Variants in KCNT2 observed in about 807,000 individuals in gnomAD.
KCNT2 encodes potassium sodium-activated channel subfamily T member 2.
KCNT2 carries 67 observed loss-of-function variants against 153.8 expected under a neutral mutation model. The ratio of observed to expected loss-of-function variants is 0.44; its 90% confidence interval spans 0.36 to 0.53. The LOEUF is 0.53. Ranked by LOEUF, KCNT2 falls within the 20% of genes least tolerant of loss-of-function variation. The pLI is 0.00. For synonymous variants in KCNT2, 500 were observed against 458.8 expected, an observed-to-expected ratio of 1.09 and a Z score of -1.15; for missense variants, 975 against 1,354.8, an observed-to-expected ratio of 0.72 and a Z score of 4.40.
chr1:196,561,680 AGAAG>A (rs1659429714), intron 1 of KCNT2, among the ~76,000 whole-genome samples: 1 of 33,364 alleles, frequency 3.0e-5, no homozygotes, highest in Non-Finnish European at 1.2e-3. Context: ...AAAAAAAAGA[AGAAG>A]AAGAAAGAAT....
intron 26 of KCNT2, among the ~76,000 whole-genome samples, chr1:196,238,734 G>C (rs1238492958): frequency 6.6e-6 from 1 of 151,904 alleles, no homozygotes. Flanking sequence ...TAATGTAAAT[G>C]ACGAGTTAAT....
chr1:196,463,516 A>C (rs1381679151), intron 8 of KCNT2, among the ~76,000 whole-genome samples: 1 of 151,778 alleles, frequency 6.6e-6, no homozygotes, highest in Non-Finnish European at 1.5e-5. Flanking sequence ...ATTATTGCAC[A>C]TTAAGGGACA....
intron 25 of KCNT2, among the ~76,000 whole-genome samples, chr1:196,274,186 A>G (rs920242669): frequency 2.6e-5 from 4 of 151,614 alleles, no homozygotes; most frequent in African/African-American, 9.7e-5. Context: ...AATGTATCAT[A>G]GCTAAGTAGG....
At chr1:196,528,638 TA>T (rs34887378) in intron 1 of KCNT2, among the ~76,000 whole-genome samples, 31 of 152,202 alleles carry the variant, frequency 2.0e-4, no homozygotes, top group Non-Finnish European at 2.5e-4. Flanking sequence ...GTGTTGATCG[TA>T]AAAAAACAGA....
intron 8 of KCNT2, among the ~76,000 whole-genome samples, chr1:196,431,825 TA>T (rs1488406129): frequency 6.6e-6 from 1 of 152,024 alleles, no homozygotes; most frequent in East Asian, 1.9e-4. Flanking sequence ...AGATTGTAAA[TA>T]AAAATTGTGC....
rs376148610 is a variant in KCNT2 at position 196,290,258 on chromosome 1, A to C, written c.2596-4500T>G. Among the ~76,000 whole-genome samples, 50 of 152,172 alleles carry C rather than the reference A, an allele frequency of 3.3e-4. 1 individual carries two copies. The South Asian group carries it at 0.01, about 32-fold the overall frequency. ...ATTCATCCTACTTGAACTTTCTTACAGTGTTTGACAAACTACATTCTAATT... is the reference window on the plus strand; with the variant it reads ...ATTCATCCTACTTGAACTTTCTTACCGTGTTTGACAAACTACATTCTAATT... On this transcript the variant is annotated intron_variant, in intron 22 of 27. Coordinates refer to ENST00000294725, the MANE Select transcript of KCNT2 (RefSeq NM_198503.5).
intron 8 of KCNT2, among the ~76,000 whole-genome samples, chr1:196,458,223 A>C (rs540193359): frequency 8.6e-5 from 13 of 151,980 alleles, no homozygotes; most frequent in Admixed American, 3.3e-4. Flanking sequence ...AACAAAAATT[A>C]TATTACGTAA....
chr1:196,562,042 T>C (rs1269563454), intron 1 of KCNT2, among the ~76,000 whole-genome samples: 1 of 151,832 alleles, frequency 6.6e-6, no homozygotes, highest in South Asian at 2.1e-4. Context: ...GAAAATAGAT[T>C]GCAAATGTTT....
intron 1 of KCNT2, among the ~76,000 whole-genome samples, chr1:196,575,662 A>G (rs559780759): frequency 9.3e-5 from 14 of 151,014 alleles, no homozygotes; most frequent in African/African-American, 3.4e-4. Flanking sequence ...AAAATCTAAG[A>G]ATCATTAGCT....
At chr1:196,555,472 C>T (rs1572815976) in intron 1 of KCNT2, among the ~76,000 whole-genome samples, 1 of 150,866 alleles carries the variant, frequency 6.6e-6, no homozygotes, top group Admixed American at 6.6e-5. Context: ...ATAATAAAAA[C>T]TATAAAATAC....
At chr1:196,266,268 A>G (rs1056199301) in intron 25 of KCNT2, among the ~76,000 whole-genome samples, 1 of 152,296 alleles carries the variant, frequency 6.6e-6, no homozygotes, top group Admixed American at 6.5e-5. Context: ...TGAGGATTGA[A>G]CTATAGTTAT....
intron 22 of KCNT2, among the ~76,000 whole-genome samples, chr1:196,286,638 TAC>T (rs201006771): frequency 0.037 from 4,997 of 133,686 alleles, 185 homozygotes; most frequent in African/African-American, 0.11. Context: ...CACACACACA[TAC>T]ACACACACAC....
chr1:196,539,673 T>C (rs950874011), intron 1 of KCNT2, among the ~76,000 whole-genome samples: 2 of 152,076 alleles, frequency 1.3e-5, no homozygotes, highest in Non-Finnish European at 2.9e-5. Context: ...GCAACTCTTA[T>C]CAATCTCATA....
chr1:196,505,006 T>G (rs1181971250), intron 1 of KCNT2, among the ~76,000 whole-genome samples: 1 of 152,214 alleles, frequency 6.6e-6, no homozygotes, highest in African/African-American at 2.4e-5. Flanking sequence ...ATAAGTAGGT[T>G]GTGAAAATTT....
At chr1:196,437,277 T>C (rs1197197953) in intron 8 of KCNT2, among the ~76,000 whole-genome samples, 2 of 78,846 alleles carry the variant, frequency 2.5e-5, no homozygotes, top group East Asian at 8.6e-4. Context: ...TTATTATATA[T>C]ATAAAATATA....
rs753244425 is a variant in KCNT2, at chr1:196,285,737, T to C, written c.2617A>G (p.Asn873Asp). 3.7e-6 allele frequency: 6 copies of C among 1,612,168 alleles called. No individual in the cohort carries two copies. In the South Asian group the frequency reaches 5.5e-5, roughly 15 times the overall value. ...GGCAGTCGAAACATAAAGGCCAAGTTAGAGCCTCTCTCCCGTTCTTTCTGT... is the reference window on the plus strand; with the variant it reads ...GGCAGTCGAAACATAAAGGCCAAGTCAGAGCCTCTCTCCCGTTCTTTCTGT... Reference protein sequence around the residue: ...LEKKERERGSNLAFMFRLPFA... With the variant: ...LEKKERERGSDLAFMFRLPFA... The change falls in exon 23 of 28, where the codon AAC (asparagine) becomes GAC (aspartate). Residue 873 changes from asparagine (N) to aspartate (D), a missense_variant. By Grantham distance (23) the Asn-to-Asp change is conservative (BLOSUM62 1). Transcript: ENST00000294725.
intron 4 of KCNT2, among the ~76,000 whole-genome samples, chr1:196,479,517 G>A (rs924377885): frequency 1.3e-5 from 2 of 152,128 alleles, no homozygotes; most frequent in African/African-American, 4.8e-5. Flanking sequence ...TATTAAAATA[G>A]GCTGGCTGCA....
At chr1:196,394,382 A>G (rs546507136) in intron 13 of KCNT2, among the ~76,000 whole-genome samples, 1 of 151,750 alleles carries the variant, frequency 6.6e-6, no homozygotes, top group East Asian at 1.9e-4. Context: ...GCCGCTGTGG[A>G]TTAGGTAGTA....
intron 13 of KCNT2, among the ~76,000 whole-genome samples, chr1:196,381,396 C>T (rs186544769): frequency 6.6e-6 from 1 of 151,842 alleles, no homozygotes; most frequent in Non-Finnish European, 1.5e-5. Context: ...ATCGAAGATA[C>T]TTACTGAAGC....
Sources: gnomAD v4.1 joint callset for allele counts (sites outside exome capture counted in the v4.1 genomes callset) on GRCh38, gnomAD v4.1.1 for gene constraint, MANE v1.5 for transcripts, NCBI Gene and HGNC (gene_info 2026-07-23, HGNC 2026-07-21) for gene names.